The following LGR4 variants were observed in gnomAD, a reference collection of about 807,000 sequenced individuals.
LGR4 encodes leucine-rich repeat-containing G protein-coupled receptor 4.
A neutral mutation model predicts 84.8 loss-of-function variants in LGR4; 44 were observed. The ratio of observed to expected loss-of-function variants is 0.52; its 90% CI spans 0.41 to 0.67. The LOEUF is 0.67. Ranked by LOEUF, LGR4 falls within the 30% of genes least tolerant of loss-of-function variation. LGR4 has a pLI of 0.00. For missense variants in LGR4, 1,032 were observed against 1,131.4 expected, an observed-to-expected ratio of 0.91 and a Z score of 1.26; for synonymous variants, 429 against 434.3, an observed-to-expected ratio of 0.99 and a Z score of 0.15.
intron 2 of LGR4, among the ~76,000 whole-genome samples, chr11:27,404,402 A>C (rs952751720): frequency 1.3e-5 from 2 of 152,154 alleles, no homozygotes; most frequent in Non-Finnish European, 2.9e-5. Context: ...TTTCACTACA[A>C]ATTTATACTA....
chr11:27,373,556 GT>G lies in LGR4; in HGVS notation c.1373del (p.Asn458ThrfsTer25). On this transcript the variant is annotated frameshift_variant, in exon 15 of 18. Transcript: ENST00000379214. LOFTEE classifies it high-confidence loss of function. ...KEALAAKDFV[N>X]LRSLSVPYAY... ...AAAAATAAGCAAAAACACACCTGAG[GT>G]TAACAAAGTCTTTTGCTGCTAAGGC... 1 of 1,567,162 alleles carries G rather than the reference GT, an allele frequency of 6.4e-7. No individual in the cohort carries two copies. Among genetic ancestry groups the G allele is most frequent in the Non-Finnish European group, 8.7e-7 (1 of 1,153,434 alleles).
intron 1 of LGR4, among the ~76,000 whole-genome samples, chr11:27,445,832 G>C (rs534709500): frequency 3.9e-5 from 6 of 152,048 alleles, no homozygotes; most frequent in Non-Finnish European, 8.8e-5. Context: ...AGCTGAGATG[G>C]CGCCACTGTA....
intron 1 of LGR4, among the ~76,000 whole-genome samples, chr11:27,437,087 A>G (rs1475317124): frequency 1.3e-5 from 2 of 152,158 alleles, no homozygotes; most frequent in Non-Finnish European, 2.9e-5. Flanking sequence ...TGAGCCAAAA[A>G]AGTTGGGATG....
At position 27,385,497 on chromosome 11, in the gene LGR4, G is replaced by A. The variant is rs756322799; in HGVS notation, c.402-29C>T. Reference sequence around the variant, plus strand: ...ACAGAAACAAAAACAACCATGTTCAGTAACAAATTCTAGTGAAATGAGTCA... The same window carrying A: ...ACAGAAACAAAAACAACCATGTTCAATAACAAATTCTAGTGAAATGAGTCA... On this transcript the variant is annotated intron_variant, in intron 4 of 17. Transcript: ENST00000379214. The A allele has an allele frequency of 3.6e-5, 52 of 1,462,596 alleles. No individual in the cohort carries two copies. The Admixed American group carries it at 9.1e-4, about 26-fold the overall frequency. 90.6% of individuals were successfully genotyped at this position (1,462,596 alleles called of 1,614,324 possible).
At chr11:27,431,793 C>T in intron 1 of LGR4, among the ~76,000 whole-genome samples, 1 of 152,246 alleles carries the variant, frequency 6.6e-6, no homozygotes, top group East Asian at 1.9e-4. Flanking sequence ...GGCAGTAGAA[C>T]ATGACTTTCA....
chr11:27,377,549 T>C (rs544019784), intron 11 of LGR4, among the ~76,000 whole-genome samples: 1 of 151,834 alleles, frequency 6.6e-6, no homozygotes, highest in Non-Finnish European at 1.5e-5. Context: ...ATATACAAAA[T>C]ATATAAAATT....
chr11:27,427,989 A>G (rs1475036591), intron 1 of LGR4, among the ~76,000 whole-genome samples: 1 of 152,164 alleles, frequency 6.6e-6, no homozygotes, highest in Admixed American at 6.5e-5. Context: ...AAATGCATAC[A>G]TTAGGTGAGT....
intron 17 of LGR4, 46 bp downstream of exon 17, chr11:27,371,566 CTAA>C: frequency 7.8e-7 from 1 of 1,279,202 alleles, no homozygotes; most frequent in South Asian, 1.2e-5. Context: ...ATATATTTGC[CTAA>C]TGTTTGTTTA....
In LGR4 at chr11:27,380,652, T is replaced by C. The variant is rs1484342153; in HGVS notation, c.890A>G (p.Asp297Gly). ...TTCACATACTTACAGGGAATGAAGA[T>C]CAGATAAATTGTGAAATGCTGAGTT... is the stretch of plus-strand genomic sequence containing the variant. ...VGNSAFHNLSDLHSLVIRGAS... is the reference protein window; with the variant it reads ...VGNSAFHNLSGLHSLVIRGAS... The change falls in exon 9 of 18, where the codon GAT (aspartate) becomes GGT (glycine). Residue 297 changes from aspartate (D) to glycine (G), a missense_variant. Transcript: ENST00000379214. 2 of 1,577,658 alleles carry C rather than the reference T, an allele frequency of 1.3e-6. No homozygotes were observed. Among genetic ancestry groups the C allele is most frequent in the African/African-American group, 2.7e-5 (2 of 74,268 alleles).
rs538348619 is a variant in LGR4, at chr11:27,368,140, G to A, written c.2583C>T (p.Cys861=). Residue 861 remains cysteine (C), a synonymous_variant, in exon 18 of 18, where the codon TGC becomes TGT. Coordinates refer to ENST00000379214, the MANE Select transcript of LGR4 (RefSeq NM_018490.5). ...LQGNLTVCDC[C]ESFLLTKPVS... ...CTGGCTTTGTTAAAAGAAACGATTC[G>A]CAGCAGTCGCAAACAGTCAGGTTGC... 4.3e-6 allele frequency: 7 copies of A among 1,614,026 alleles called. No individual in the cohort carries two copies. Among genetic ancestry groups the A allele is most frequent in the East Asian group, 2.2e-5 (1 of 44,900 alleles).
chr11:27,443,792 A>G (rs921497841), intron 1 of LGR4, among the ~76,000 whole-genome samples: 2 of 152,156 alleles, frequency 1.3e-5, no homozygotes, highest in African/African-American at 4.8e-5. Flanking sequence ...GTGGTAGTAA[A>G]AGGCCATATT....
intron 2 of LGR4, among the ~76,000 whole-genome samples, chr11:27,400,129 C>T (rs1418346105): frequency 3.9e-5 from 6 of 152,054 alleles, no homozygotes; most frequent in Admixed American, 3.9e-4. Flanking sequence ...GCATGACACT[C>T]AAAGGAAATG....
intron 1 of LGR4, among the ~76,000 whole-genome samples, chr11:27,465,346 T>C (rs76751394): frequency 6.6e-6 from 1 of 152,322 alleles, no homozygotes; most frequent in East Asian, 1.9e-4. Flanking sequence ...CGCCAAATCT[T>C]GTGGTTGGGG....
At chr11:27,452,629 T>G (rs981744951) in intron 1 of LGR4, among the ~76,000 whole-genome samples, 1 of 125,242 alleles carries the variant, frequency 8.0e-6, no homozygotes, top group Non-Finnish European at 1.7e-5. Flanking sequence ...TTGAGTTTTT[T>G]TTTTTTTTTT....
chr11:27,452,689 T>C (rs1400582306), intron 1 of LGR4, among the ~76,000 whole-genome samples: 1 of 147,870 alleles, frequency 6.8e-6, no homozygotes, highest in African/African-American at 2.5e-5. Flanking sequence ...AGTGGCGCGA[T>C]CTCGGCTCAC....
intron 12 of LGR4, 92 bp downstream of exon 12, chr11:27,377,066 T>C: frequency 1.5e-6 from 1 of 686,020 alleles, no homozygotes; most frequent in Non-Finnish European, 2.5e-6. Context: ...ATTTCTAATT[T>C]CTTACTATTA....
At chr11:27,459,513 G>A (rs969646496) in intron 1 of LGR4, among the ~76,000 whole-genome samples, 4 of 150,422 alleles carry the variant, frequency 2.7e-5, no homozygotes, top group South Asian at 2.1e-4. Flanking sequence ...GTCTTGCTCC[G>A]TCACCCAGGC....
At chr11:27,439,712 G>A (rs1263028220) in intron 1 of LGR4, among the ~76,000 whole-genome samples, 1 of 152,036 alleles carries the variant, frequency 6.6e-6, no homozygotes, top group East Asian at 1.9e-4. Flanking sequence ...ACTCGGCAAT[G>A]CTCTCAATAG....
At position 27,472,255 on chromosome 11, in the gene LGR4, G is replaced by C. The variant is rs1242035586; in HGVS notation, c.48C>G (p.Leu16=). The part of the protein sequence containing the change: ...GLLCFLALGL[L]GSAGPSGAAP... Reference sequence around the variant, plus strand: ...CCGCGCCGCTGGGCCCGGCCGAGCCGAGCAGCCCCAGGGCGAGGAAGCAGA... The same window carrying C: ...CCGCGCCGCTGGGCCCGGCCGAGCCCAGCAGCCCCAGGGCGAGGAAGCAGA... Residue 16 remains leucine, a synonymous_variant, in exon 1 of 18, where the codon CTC becomes CTG. Transcript: ENST00000379214. The C allele has an allele frequency of 2.3e-6, 3 of 1,310,842 alleles. No individual in the cohort carries two copies. The highest frequency in any genetic ancestry group is 3.3e-5 in the East Asian group (1 of 30,378). 81.2% of individuals were successfully genotyped at this position (1,310,842 alleles called of 1,614,324 possible).
Sources: allele counts gnomAD v4.1 joint callset (sites outside exome capture counted in the v4.1 genomes callset), GRCh38; gene constraint gnomAD v4.1.1; transcripts MANE v1.5; gene names NCBI Gene and HGNC (gene_info 2026-07-23, HGNC 2026-07-21).